The following KIF13A variants were observed in gnomAD, a reference collection of about 807,000 sequenced individuals.
The protein encoded by KIF13A is kinesin-like protein KIF13A.
KIF13A carries 79 observed loss-of-function variants against 212.2 expected under a neutral mutation model. The ratio of observed to expected loss-of-function variants is 0.37; its 90% CI spans 0.31 to 0.45. KIF13A has a LOEUF of 0.45. Ranked by LOEUF, KIF13A falls within the 20% of genes least tolerant of loss-of-function variation. The pLI, the probability that KIF13A is intolerant of heterozygous loss-of-function variation, is 1.00. For synonymous variants in KIF13A, 789 were observed against 808.6 expected, an observed-to-expected ratio of 0.98 and a Z score of 0.41; for missense variants, 1,901 against 2,209.0, an observed-to-expected ratio of 0.86 and a Z score of 2.79.
rs900026997 is a variant in KIF13A at position 17,776,289 on chromosome 6, C to A, written c.4170+988G>T. Among the ~76,000 whole-genome samples, 2 of 152,076 alleles carry A rather than the reference C, an allele frequency of 1.3e-5. No homozygotes were observed. Among genetic ancestry groups the A allele is most frequent in the Admixed American group, 6.6e-5 (1 of 15,264 alleles). ...CTCACTCTCTCATTTTTTCTACTGTCTAGTATTCTGCTTTATACAGAATTA... is the reference window on the plus strand; with the variant it reads ...CTCACTCTCTCATTTTTTCTACTGTATAGTATTCTGCTTTATACAGAATTA... On this transcript the variant is annotated intron_variant, in intron 34 of 38. Coordinates refer to ENST00000259711, the MANE Select transcript of KIF13A (RefSeq NM_022113.6). The surrounding 1 kb of genome is among the most constrained non-coding windows in gnomAD (Gnocchi z 4.6).
rs1438096643 is a variant in KIF13A, at chr6:17,915,814, T to A, written c.147-17634A>T. ...CCGTCTCTACTAAAAAGACAAAAAT[T>A]AGCTGGGTGTGGTAGCAAGAGCCTA... On this transcript the variant is annotated intron_variant, in intron 2 of 38. Transcript: ENST00000259711. The surrounding 1 kb of genome is among the most constrained non-coding windows in gnomAD (Gnocchi z 4.4). Among the ~76,000 whole-genome samples the A allele has an allele frequency of 3.3e-5, 5 of 151,722 alleles. No homozygotes were observed. The highest frequency in any genetic ancestry group is 7.4e-5 in the Non-Finnish European group (5 of 67,934).
At chr6:17,986,865 C>T (rs1781607748) in intron 2 of KIF13A, among the ~76,000 whole-genome samples, 189 bp downstream of exon 2, 1 of 152,184 alleles carries the variant, frequency 6.6e-6, no homozygotes, top group Admixed American at 6.5e-5. Context: ...TGCCGCCGCT[C>T]TAGATGGAGG....
chr6:17,844,340 A>G (rs1353499979), intron 9 of KIF13A, among the ~76,000 whole-genome samples: 2 of 152,230 alleles, frequency 1.3e-5, no homozygotes, highest in Non-Finnish European at 2.9e-5. Context: ...GTAGAACAAT[A>G]GAGTACATAC....
At chr6:17,824,152 C>T (rs1764728069) in intron 16 of KIF13A, among the ~76,000 whole-genome samples, 1 of 151,758 alleles carries the variant, frequency 6.6e-6, no homozygotes, top group East Asian at 2.0e-4. Context: ...AGGTGATCTG[C>T]CCACCTGGGC....
intron 2 of KIF13A, among the ~76,000 whole-genome samples, chr6:17,906,623 A>AT (rs1432310992): frequency 1.3e-5 from 2 of 151,274 alleles, no homozygotes; most frequent in Non-Finnish European, 1.5e-5. Context: ...TAATTTTTGT[A>AT]TTTTTTTGTC....
Position 17,873,387 on chromosome 6 carries a change from T to C in KIF13A, c.210A>G (p.Thr70=), listed in dbSNP as rs1264292172. 2 of 1,596,574 alleles carry C rather than the reference T, an allele frequency of 1.3e-6. No individual in the cohort carries two copies. The highest frequency in any genetic ancestry group is 1.1e-5 in the South Asian group (1 of 87,834). ...AGGGAGAAAACTTACCAGCGTATTT[T>C]GTAGTGTTAGATTCATCCATGGACC... ...CFWSMDESNT[T]KYAGQEVVFK... is the part of the protein sequence containing the mutation. The change falls in exon 4 of 39, where the codon ACA becomes ACG. Residue 70 remains threonine (T), a synonymous_variant. Coordinates refer to ENST00000259711, the MANE Select transcript of KIF13A (RefSeq NM_022113.6).
chr6:17,796,095 A>G (rs376176464), intron 23 of KIF13A, among the ~76,000 whole-genome samples: 5 of 150,814 alleles, frequency 3.3e-5, no homozygotes, highest in East Asian at 3.9e-4. Flanking sequence ...CATCATTCTC[A>G]TTTTACAAAC....
At chr6:17,844,323 C>T (rs1021284471) in intron 9 of KIF13A, among the ~76,000 whole-genome samples, 7 of 152,080 alleles carry the variant, frequency 4.6e-5, no homozygotes, top group Non-Finnish European at 7.4e-5. Flanking sequence ...GTTCATCAAC[C>T]GTTGTGGTAG....
chr6:17,981,873 T>G (rs1305962656), intron 2 of KIF13A, among the ~76,000 whole-genome samples: 1 of 152,192 alleles, frequency 6.6e-6, no homozygotes, highest in Non-Finnish European at 1.5e-5. Flanking sequence ...TCTAATTATG[T>G]ATGACTTTCA....
chr6:17,846,073 A>G (rs570433289), intron 9 of KIF13A, among the ~76,000 whole-genome samples: 13 of 109,476 alleles, frequency 1.2e-4, no homozygotes, highest in Middle Eastern at 0.014. Context: ...TTTCTGAGAC[A>G]GCCTCCTGAG....
At position 17,771,199 on chromosome 6, in the gene KIF13A, G is replaced by A. The variant is rs778234437; in HGVS notation, c.4496C>T (p.Ala1499Val). Residue 1499 changes from alanine to valine, a missense_variant, in exon 38 of 39, where the codon GCA becomes GTA. Around this residue, in one of 5 missense-constraint regions of KIF13A, gnomAD observed 687 missense variants for 759.1 expected, o/e 0.90. Coordinates refer to ENST00000259711, the MANE Select transcript of KIF13A (RefSeq NM_022113.6). This position sits in a 1 kb window ranked among gnomAD's most constrained non-coding sequence, Gnocchi z 5.4. The stretch of plus-strand genomic sequence containing the variant: ...GGGTACAATGCAGCCAGGGTTATGT[G>A]CCTGAGGTGGAGGCATGCTCTGCAA... ...LSQESMPPPQ[A>V]HNPGCIVPSG... 6 of 1,612,366 alleles carry A rather than the reference G, an allele frequency of 3.7e-6. No homozygotes were observed. Among genetic ancestry groups the A allele is most frequent in the Admixed American group, 1.7e-5 (1 of 59,778 alleles).
intron 6 of KIF13A, among the ~76,000 whole-genome samples, chr6:17,853,861 CGTAT>C (rs1160780373): frequency 4.6e-5 from 7 of 151,950 alleles, no homozygotes; most frequent in Non-Finnish European, 1.0e-4. Flanking sequence ...CCAAGGGGAA[CGTAT>C]AGTGAGCTTC....
rs767353097 is a variant in KIF13A at position 17,963,713 on chromosome 6, C to G, written c.146+23341G>C. Among the ~76,000 whole-genome samples the G allele has an allele frequency of 6.6e-6, 1 of 152,112 alleles. No individual in the cohort carries two copies. Among genetic ancestry groups the G allele is most frequent in the Non-Finnish European group, 1.5e-5 (1 of 68,014 alleles). ...CTGGGATTACAGGCACGCGCCACCACGCCCTGCTAATTTTTGCATTTTTAG... is the reference window on the plus strand; with the variant it reads ...CTGGGATTACAGGCACGCGCCACCAGGCCCTGCTAATTTTTGCATTTTTAG... On this transcript the variant is annotated intron_variant, in intron 2 of 38. Transcript: ENST00000259711. This position sits in a 1 kb window ranked among gnomAD's most constrained non-coding sequence, Gnocchi z 4.1.
At position 17,779,634 on chromosome 6, in the gene KIF13A, A is replaced by G; in HGVS notation, c.3897T>C (p.Tyr1299=). ...KRRISLKNIF[Y]SCGVTYEIVS... ...CTATTTCATAGGTTACACCACAGGA[A>G]TAAAATATATTTTTCAGGGATATTC... Residue 1299 remains tyrosine (Y), a synonymous_variant, in exon 32 of 39, where the codon TAT becomes TAC. Coordinates refer to ENST00000259711, the MANE Select transcript of KIF13A (RefSeq NM_022113.6). The G allele has an allele frequency of 6.6e-7, 1 of 1,525,446 alleles. No individual in the cohort carries two copies. The highest frequency in any genetic ancestry group is 1.1e-5 in the South Asian group (1 of 87,116). 94.5% of individuals were successfully genotyped at this position (1,525,446 alleles called of 1,614,324 possible). A position where few individuals can be genotyped will look rare whatever the true frequency, so the allele number is the denominator to read the frequency against.
Position 17,982,581 on chromosome 6 carries a change from T to C in KIF13A, c.146+4473A>G, listed in dbSNP as rs1410720696. 6.6e-6 allele frequency among the ~76,000 whole-genome samples: 1 copy of C among 152,224 alleles called. No homozygotes were observed. Among genetic ancestry groups the C allele is most frequent in the African/African-American group, 2.4e-5 (1 of 41,454 alleles). On this transcript the variant is annotated intron_variant, in intron 2 of 38. Coordinates refer to ENST00000259711, the MANE Select transcript of KIF13A (RefSeq NM_022113.6). This position sits in a 1 kb window ranked among gnomAD's most constrained non-coding sequence, Gnocchi z 5.1. ...AAAAATGAACAGGAAGCTAAAAACT[T>C]TCATGCTCTTCTACCGAGAGCCCAT...
At chr6:17,974,191 C>A (rs1165881368) in intron 2 of KIF13A, among the ~76,000 whole-genome samples, 2 of 152,176 alleles carry the variant, frequency 1.3e-5, no homozygotes, top group African/African-American at 2.4e-5. Flanking sequence ...AAGCGATTCT[C>A]CTACCTCAGC....
chr6:17,854,326 C>T (rs1411180720), intron 6 of KIF13A, among the ~76,000 whole-genome samples: 9 of 151,904 alleles, frequency 5.9e-5, no homozygotes, highest in African/African-American at 9.7e-5. Context: ...TTAGTAGAGA[C>T]GGTGTTTCAC....
At chr6:17,819,848 A>G (rs990897318) in intron 16 of KIF13A, among the ~76,000 whole-genome samples, 5 of 152,166 alleles carry the variant, frequency 3.3e-5, no homozygotes, top group Admixed American at 2.0e-4. Context: ...TTTCTCAAAC[A>G]GTATATAGGC....
chr6:17,953,669 G>C (rs1029906492), intron 2 of KIF13A: 2 of 163,700 alleles, frequency 1.2e-5, no homozygotes, highest in African/African-American at 4.7e-5. Context: ...GGCAACTTTA[G>C]ACAAGCACCG....
Sources: gnomAD v4.1 joint callset for allele counts (sites outside exome capture counted in the v4.1 genomes callset) on GRCh38, gnomAD v4.1.1 for gene constraint, gnomAD v4.1.1 regional missense constraint, Gnocchi (gnomAD v3.1) non-coding constraint, MANE v1.5 for transcripts, NCBI Gene and HGNC (gene_info 2026-07-23, HGNC 2026-07-21) for gene names.